Variants in RGS21 observed in about 807,000 individuals in gnomAD.
RGS21 encodes the protein regulator of G protein signaling 21, also known as regulator of G-protein signalling 21.
In RGS21, 19 loss-of-function variants were observed where a neutral mutation model predicts 18.7. The observed-to-expected ratio is 1.01, with a 90% confidence interval of 0.71 to 1.49. RGS21 has a LOEUF of 1.49. Among genes scored for constraint, RGS21 ranks in the 40% most tolerant of loss-of-function variants. The pLI is 0.00. For synonymous variants in RGS21, 56 were observed against 57.8 expected, an observed-to-expected ratio of 0.97 and a Z score of 0.14; for missense variants, 194 against 176.8, an observed-to-expected ratio of 1.10 and a Z score of -0.55.
Position 192,352,088 on chromosome 1 carries a change from A to G in RGS21, c.130A>G (p.Ser44Gly). 1 of 1,603,756 alleles carries G rather than the reference A, an allele frequency of 6.2e-7. No homozygotes were observed. The highest frequency in any genetic ancestry group is 8.5e-7 in the Non-Finnish European group (1 of 1,176,398). Residue 44 changes from serine to glycine, a missense_variant, in exon 4 of 5, where the codon AGT (serine) becomes GGT (glycine). Physicochemically the swap from Ser to Gly is moderately conservative, Grantham distance 56. Coordinates refer to ENST00000417209, the MANE Select transcript of RGS21 (RefSeq NM_001039152.3). ...TCGAATATTTCTAAAATCAGAGTTTAGTGAAGAAAATGTTGAGTTCTGGCT... is the reference window on the plus strand; with the variant it reads ...TCGAATATTTCTAAAATCAGAGTTTGGTGAAGAAAATGTTGAGTTCTGGCT... ...AFRIFLKSEF[S>G]EENVEFWLAC...
intron 1 of RGS21, among the ~76,000 whole-genome samples, chr1:192,326,404 G>C (rs959158146): frequency 6.6e-4 from 100 of 151,580 alleles, no homozygotes; most frequent in African/African-American, 2.3e-3. Flanking sequence ...TATGACTTAA[G>C]TAAGATAAAT....
intron 3 of RGS21, 40 bp downstream of exon 3, chr1:192,347,429 A>T: frequency 2.2e-6 from 2 of 922,492 alleles, no homozygotes; most frequent in Non-Finnish European, 3.5e-6. Context: ...TACAATAATT[A>T]AATATAAATT....
At chr1:192,320,831 CTTAAG>C (rs1428952031) in intron 1 of RGS21, among the ~76,000 whole-genome samples, 4 of 151,870 alleles carry the variant, frequency 2.6e-5, no homozygotes, top group Non-Finnish European at 5.9e-5. Flanking sequence ...CTTGGCTGAC[CTTAAG>C]TTAAACATTT....
intron 2 of RGS21, among the ~76,000 whole-genome samples, chr1:192,344,814 C>G (rs573635422): frequency 1.3e-5 from 2 of 152,018 alleles, no homozygotes; most frequent in South Asian, 4.1e-4. Context: ...CCAGGCATTG[C>G]TACACACCAG....
chr1:192,356,144 C>A (rs1375407414), intron 4 of RGS21, among the ~76,000 whole-genome samples: 1 of 151,892 alleles, frequency 6.6e-6, no homozygotes, highest in Non-Finnish European at 1.5e-5. Context: ...TACATCTTCA[C>A]GGGTCCGTGC....
chr1:192,336,823 C>A (rs1465348550), intron 1 of RGS21, among the ~76,000 whole-genome samples: 1 of 151,492 alleles, frequency 6.6e-6, no homozygotes, highest in Non-Finnish European at 1.5e-5. Context: ...GGGGGAGATA[C>A]CTGGTCATGA....
chr1:192,365,705 C>G (rs563517247), intron 4 of RGS21, among the ~76,000 whole-genome samples: 2 of 152,174 alleles, frequency 1.3e-5, no homozygotes, highest in South Asian at 4.1e-4. Flanking sequence ...TAAGGTTTTA[C>G]CACTGTTTCC....
At chr1:192,358,289 T>C (rs1281580914) in intron 4 of RGS21, among the ~76,000 whole-genome samples, 1 of 152,042 alleles carries the variant, frequency 6.6e-6, no homozygotes, top group Non-Finnish European at 1.5e-5. Flanking sequence ...CCACCTTGTA[T>C]TTCTGCCTCC....
rs540072395 is a variant in RGS21 at position 192,322,678 on chromosome 1, A to G, written c.-61+5573A>G. Reference sequence around the variant, plus strand: ...CCAGGATCCCACGCTAGAGCACACCACTCAAACAACTCAACACCATCTCCC... The same window carrying G: ...CCAGGATCCCACGCTAGAGCACACCGCTCAAACAACTCAACACCATCTCCC... On this transcript the variant is annotated intron_variant, in intron 1 of 4. Transcript: ENST00000417209. Among the ~76,000 whole-genome samples, 5 of 152,078 alleles carry G rather than the reference A, an allele frequency of 3.3e-5. No individual in the cohort carries two copies. In the East Asian group the frequency reaches 9.7e-4, roughly 29 times the overall value.
chr1:192,344,244 A>G (rs112808339), intron 2 of RGS21, among the ~76,000 whole-genome samples: 1 of 152,060 alleles, frequency 6.6e-6, no homozygotes, highest in African/African-American at 2.4e-5. Context: ...GGAAAAAAAC[A>G]CTTTTTAGGT....
intron 4 of RGS21, among the ~76,000 whole-genome samples, chr1:192,354,026 G>A (rs1281944884): frequency 4.0e-5 from 6 of 151,352 alleles, no homozygotes; most frequent in Non-Finnish European, 5.9e-5. Flanking sequence ...TCTATTAGTT[G>A]TTTCCTATTC....
intron 1 of RGS21, among the ~76,000 whole-genome samples, chr1:192,328,307 G>A (rs954393163): frequency 1.4e-4 from 21 of 152,170 alleles, no homozygotes; most frequent in African/African-American, 4.8e-4. Context: ...TACAGGATAG[G>A]AGGTATAAGA....
intron 4 of RGS21, among the ~76,000 whole-genome samples, chr1:192,354,247 T>C (rs370038951): frequency 6.6e-6 from 1 of 151,898 alleles, no homozygotes; most frequent in African/African-American, 2.4e-5. Flanking sequence ...CAATAGGTGA[T>C]ATAATAATAA....
chr1:192,323,597 A>T (rs571361664), intron 1 of RGS21, among the ~76,000 whole-genome samples: 100 of 152,196 alleles, frequency 6.6e-4, no homozygotes, highest in African/African-American at 2.3e-3. Context: ...TGGGAAAAAA[A>T]GTTATAGAAG....
intron 1 of RGS21, among the ~76,000 whole-genome samples, chr1:192,332,043 TAAA>T (rs1195805077): frequency 6.6e-6 from 1 of 152,058 alleles, no homozygotes; most frequent in Admixed American, 6.5e-5. Context: ...AAATTACTAA[TAAA>T]GAAGTAAAAT....
intron 1 of RGS21, among the ~76,000 whole-genome samples, chr1:192,325,811 A>G (rs559537109): frequency 6.6e-6 from 1 of 151,886 alleles, no homozygotes; most frequent in African/African-American, 2.4e-5. Flanking sequence ...TTGCTTGTTG[A>G]ATTGTTTAAG....
chr1:192,358,361 A>C (rs1470777372), intron 4 of RGS21, among the ~76,000 whole-genome samples: 4 of 152,044 alleles, frequency 2.6e-5, no homozygotes, highest in African/African-American at 9.7e-5. Context: ...TAGATGTTAC[A>C]AACTTTGTTG....
At chr1:192,347,772 G>A (rs758671342) in intron 3 of RGS21, among the ~76,000 whole-genome samples, 30 of 152,128 alleles carry the variant, frequency 2.0e-4, no homozygotes, top group Non-Finnish European at 3.8e-4. Flanking sequence ...CAATTTTCCT[G>A]ACTCAGCCTC....
chr1:192,346,722 C>G (rs187859416), intron 2 of RGS21, among the ~76,000 whole-genome samples: 25 of 152,138 alleles, frequency 1.6e-4, no homozygotes, highest in African/African-American at 5.8e-4. Flanking sequence ...TTGACAGATT[C>G]CTAGATTTAA....
Sources: gnomAD v4.1 joint callset for allele counts (sites outside exome capture counted in the v4.1 genomes callset) on GRCh38, gnomAD v4.1.1 for gene constraint, MANE v1.5 for transcripts, NCBI Gene and HGNC (gene_info 2026-07-23, HGNC 2026-07-21) for gene names.